CAMTA1: variants seen among roughly 807,000 people sequenced by gnomAD.
The protein encoded by CAMTA1 is calmodulin-binding transcription activator 1.
Under a neutral mutation model 170.9 loss-of-function variants are expected in CAMTA1, and 27 were observed. The ratio of observed to expected loss-of-function variants is 0.16; its 90% CI spans 0.12 to 0.22. The LOEUF is 0.22. Among genes scored for constraint, CAMTA1 ranks in the 10% least tolerant of loss-of-function variants. The pLI is 1.00. For synonymous variants in CAMTA1, 833 were observed against 891.5 expected (o/e 0.93, Z 1.17); for missense variants, 1,619 against 2,217.2 (o/e 0.73, Z 5.42).
chr1:6,897,347 T>G (rs1675863892), intron 3 of CAMTA1, among the ~76,000 whole-genome samples: 1 of 152,198 alleles, frequency 6.6e-6, no homozygotes, highest in African/African-American at 2.4e-5. Context: ...GGTGACAAGC[T>G]GCTGAGCCAC....
intron 6 of CAMTA1, among the ~76,000 whole-genome samples, chr1:7,530,348 C>T (rs2094476701): frequency 6.6e-6 from 1 of 152,180 alleles, no homozygotes; most frequent in Non-Finnish European, 1.5e-5. Context: ...CTGAGCTGAC[C>T]GAAGTGCCTT....
chr1:7,720,113 A>G (rs538992062), intron 11 of CAMTA1, among the ~76,000 whole-genome samples: 9 of 152,346 alleles, frequency 5.9e-5, no homozygotes, highest in African/African-American at 2.2e-4. Flanking sequence ...ACGTTTGCCG[A>G]TATTATTCAT....
rs765139922 is a variant in CAMTA1, at chr1:6,995,295, C to CTTTTTTTTTTTTTTTTTTTT, written c.235-96004_235-95985dup. On this transcript the variant is annotated intron_variant, in intron 3 of 22. Transcript: ENST00000303635. ...TCCTTTAAAATCTTTTTTTTCTTTT[C>CTTTTTTTTTTTTTTTTTTTT]TTTTTTTTTTTTTTTTTTTTTTTTG... 7.1e-4 allele frequency among the ~76,000 whole-genome samples: 43 copies of CTTTTTTTTTTTTTTTTTTTT among 60,624 alleles called. 5 individuals carry two copies. The highest frequency in any genetic ancestry group is 8.7e-4 in the Non-Finnish European group (30 of 34,636). The allele number at this position is 60,624 out of a possible 152,430, so 39.8% of individuals were successfully genotyped here.
At chr1:7,446,837 G>A (rs1575379599) in intron 5 of CAMTA1, among the ~76,000 whole-genome samples, 1 of 152,200 alleles carries the variant, frequency 6.6e-6, no homozygotes, top group Non-Finnish European at 1.5e-5. Context: ...GGGGTTCTGT[G>A]GAACTGGATT....
At position 7,262,234 on chromosome 1, in the gene CAMTA1, T is replaced by A. The variant is rs1471891957; in HGVS notation, c.438+12608T>A. On this transcript the variant is annotated intron_variant, in intron 5 of 22. Coordinates refer to ENST00000303635, the MANE Select transcript of CAMTA1 (RefSeq NM_015215.4). ...TGAACAAGTGAGTTTTGCTGCTGAC[T>A]GCTCATTCTTTCATCACTGTGACAT... 2.0e-5 allele frequency among the ~76,000 whole-genome samples: 3 copies of A among 152,168 alleles called. No homozygotes were observed. In the East Asian group the frequency reaches 5.8e-4, roughly 29 times the overall value.
chr1:7,535,409 C>T (rs573479048), intron 6 of CAMTA1, among the ~76,000 whole-genome samples: 24 of 152,288 alleles, frequency 1.6e-4, no homozygotes, highest in Admixed American at 1.2e-3. Context: ...TCAATCTTTA[C>T]GTCAGACAGA....
chr1:7,202,437 C>T (rs1046519483), intron 4 of CAMTA1, among the ~76,000 whole-genome samples: 1 of 152,172 alleles, frequency 6.6e-6, no homozygotes, highest in African/African-American at 2.4e-5. Flanking sequence ...AGCTGGAATT[C>T]TCACAGAGAT....
intron 3 of CAMTA1, among the ~76,000 whole-genome samples, chr1:6,981,875 C>T (rs903846785): frequency 5.3e-5 from 8 of 151,946 alleles, no homozygotes; most frequent in Non-Finnish European, 8.8e-5. Flanking sequence ...ATAACAGGTG[C>T]ACACCACCAT....
chr1:7,005,984 C>T (rs564689014), intron 3 of CAMTA1, among the ~76,000 whole-genome samples: 1 of 151,908 alleles, frequency 6.6e-6, no homozygotes, highest in African/African-American at 2.4e-5. Flanking sequence ...GGTCTGTTGG[C>T]GGATTTTGGT....
intron 4 of CAMTA1, among the ~76,000 whole-genome samples, chr1:7,124,618 T>C (rs1168727161): frequency 6.6e-6 from 1 of 152,214 alleles, no homozygotes; most frequent in African/African-American, 2.4e-5. Flanking sequence ...AGATGGGGGA[T>C]GCCCAATGGA....
chr1:7,724,402 G>A (rs1404266724), intron 11 of CAMTA1, among the ~76,000 whole-genome samples: 2 of 152,182 alleles, frequency 1.3e-5, no homozygotes, highest in South Asian at 4.1e-4. Context: ...GGAACTCTAC[G>A]ATCTTTGCAA....
chr1:7,553,750 A>C (rs1351956495), intron 6 of CAMTA1, among the ~76,000 whole-genome samples: 1 of 152,084 alleles, frequency 6.6e-6, no homozygotes, highest in Non-Finnish European at 1.5e-5. Context: ...TCTAACAAGA[A>C]TTCTCACCTG....
chr1:6,904,692 C>A (rs34807260), intron 3 of CAMTA1, among the ~76,000 whole-genome samples: 3 of 146,276 alleles, frequency 2.1e-5, no homozygotes. Flanking sequence ...CTCAGCCACT[C>A]GATATCTGGA....
chr1:7,127,101 C>G (rs1644979321), intron 4 of CAMTA1, among the ~76,000 whole-genome samples: 1 of 152,096 alleles, frequency 6.6e-6, no homozygotes, highest in South Asian at 2.1e-4. Flanking sequence ...GGTCAGGCAG[C>G]ATGGGGCCTG....
Position 7,248,392 on chromosome 1 carries a change from G to A in CAMTA1, c.303-1099G>A, listed in dbSNP as rs1047351521. Among the ~76,000 whole-genome samples, 4 of 152,312 alleles carry A rather than the reference G, an allele frequency of 2.6e-5. No individual in the cohort carries two copies. Among genetic ancestry groups the A allele is most frequent in the East Asian group, 1.9e-4 (1 of 5,186 alleles). On this transcript the variant is annotated intron_variant, in intron 4 of 22. Transcript: ENST00000303635. The surrounding 1 kb of genome is among the most constrained non-coding windows in gnomAD (Gnocchi z 4.0). ...TATTTGTGTAAAGAGCTCTCTGGCC[G>A]TGGCTGAGAGTGAGGTGGCAAGCCT...
intron 4 of CAMTA1, among the ~76,000 whole-genome samples, chr1:7,204,830 C>CTTTTTTTTTTTT (rs367812076): frequency 2.3e-5 from 2 of 86,828 alleles, no homozygotes; most frequent in Non-Finnish European, 4.3e-5. Flanking sequence ...TTCTTTTTTT[C>CTTTTTTTTTTTT]TTTTTTTTTT....
intron 6 of CAMTA1, among the ~76,000 whole-genome samples, chr1:7,556,633 C>T (rs2150222241): frequency 6.6e-6 from 1 of 152,242 alleles, no homozygotes; most frequent in East Asian, 1.9e-4. Flanking sequence ...AACCTTGTGC[C>T]CCACCCCACG....
chr1:7,181,542 A>C (rs1031548785), intron 4 of CAMTA1, among the ~76,000 whole-genome samples: 3 of 152,218 alleles, frequency 2.0e-5, no homozygotes, highest in African/African-American at 7.2e-5. Context: ...GGTAGCAGGA[A>C]AAATTTAACA....
At chr1:7,057,459 G>A (rs974659670) in intron 3 of CAMTA1, among the ~76,000 whole-genome samples, 1 of 152,190 alleles carries the variant, frequency 6.6e-6, no homozygotes, top group African/African-American at 2.4e-5. Flanking sequence ...TCAGGGCGGC[G>A]GGGTGGCCCT....
Sources: gnomAD v4.1 joint callset for allele counts (sites outside exome capture counted in the v4.1 genomes callset) on GRCh38, gnomAD v4.1.1 for gene constraint, Gnocchi (gnomAD v3.1) non-coding constraint, MANE v1.5 for transcripts, NCBI Gene and HGNC (gene_info 2026-07-23, HGNC 2026-07-21) for gene names.